Variants in LACTB observed in about 807,000 individuals in gnomAD.
LACTB encodes lactamase beta.
A neutral mutation model predicts 50.2 loss-of-function variants in LACTB; 35 were observed. The observed-to-expected ratio is 0.70, with a 90% CI of 0.53 to 0.92. LACTB has a LOEUF of 0.92. Among genes scored for constraint, LACTB ranks in the 40% least tolerant of loss-of-function variants. The pLI, the probability that LACTB is intolerant of heterozygous loss-of-function variation, is 0.00. For synonymous variants in LACTB, 252 were observed against 268.2 expected (o/e 0.94, Z 0.59); for missense variants, 664 against 691.8 (o/e 0.96, Z 0.45).
At chr15:63,125,597 TA>T in intron 2 of LACTB, among the ~76,000 whole-genome samples, 1 of 152,300 alleles carries the variant, frequency 6.6e-6, no homozygotes, top group Admixed American at 6.5e-5. Flanking sequence ...TTTATGCAAA[TA>T]TTTTTTAGAT....
chr15:63,132,688 G>A (rs2037144352), intron 5 of LACTB, among the ~76,000 whole-genome samples: 1 of 152,146 alleles, frequency 6.6e-6, no homozygotes, highest in Non-Finnish European at 1.5e-5. Context: ...AGGCATGGTA[G>A]TGTGTACCTG....
At chr15:63,133,979 T>G (rs1401315942) in intron 5 of LACTB, among the ~76,000 whole-genome samples, 2 of 152,256 alleles carry the variant, frequency 1.3e-5, no homozygotes, top group East Asian at 3.8e-4. Flanking sequence ...AAAATACTTA[T>G]GAAAGGGCAG....
rs199868189 is a variant in LACTB, at chr15:63,141,789, A to C, written c.1628A>C (p.Lys543Thr). The change falls in exon 6 of 6, where the codon AAA (lysine) becomes ACA (threonine). Residue 543 changes from lysine to threonine, a missense_variant. Transcript: ENST00000261893. ...TTGAAGATTGCCCTTGAATTTGATA[A>C]AGACAGATCAGACTGATAACCTTAA... ...TALKIALEFD[K>T]DRSD 5.6e-6 allele frequency: 9 copies of C among 1,611,958 alleles called. No homozygotes were observed. The highest frequency in any genetic ancestry group is 7.6e-6 in the Non-Finnish European group (9 of 1,178,440).
At chr15:63,129,128 G>T (rs1425393177) in intron 4 of LACTB, among the ~76,000 whole-genome samples, 1 of 152,192 alleles carries the variant, frequency 6.6e-6, no homozygotes, top group Non-Finnish European at 1.5e-5. Context: ...GTTGACTCAA[G>T]AAATCAAATT....
chr15:63,127,695 T>C lies in LACTB; in HGVS notation c.952+6T>C. On this transcript the variant is annotated splice_donor_region_variant and intron_variant, in intron 4 of 5. Coordinates refer to ENST00000261893, the MANE Select transcript of LACTB (RefSeq NM_032857.5). ...TCCTTTGTTCTTCAAACCTGGTGAG[T>C]GTTAATCCCTTCTCTTAACAAAATC... The C allele has an allele frequency of 6.7e-7, 1 of 1,503,652 alleles. No homozygotes were observed. Among genetic ancestry groups the C allele is most frequent in the Admixed American group, 2.0e-5 (1 of 49,288 alleles). The allele number at this position is 1,503,652 out of a possible 1,614,324, so 93.1% of individuals were successfully genotyped here.
Position 63,141,349 on chromosome 15 carries a change from T to C in LACTB, c.1188T>C (p.Ala396=). 6.2e-7 allele frequency: 1 copy of C among 1,614,222 alleles called. No individual in the cohort carries two copies. The highest frequency in any genetic ancestry group is 8.5e-7 in the Non-Finnish European group (1 of 1,180,020). Reference sequence around the variant, plus strand: ...ACGTGGATAACTCCTATAAATGGGCTGGTGGTGGATTTCTGTCTACAGTGG... The same window carrying C: ...ACGTGGATAACTCCTATAAATGGGCCGGTGGTGGATTTCTGTCTACAGTGG... ...TPYVDNSYKW[A]GGGFLSTVGD... The change falls in exon 6 of 6, where the codon GCT becomes GCC. Residue 396 remains alanine (A), a synonymous_variant. Transcript: ENST00000261893.
intron 1 of LACTB, 132 bp from the exon 2 acceptor site, chr15:63,122,504 C>T (rs1179801947): frequency 6.3e-6 from 5 of 798,472 alleles, no homozygotes; most frequent in South Asian, 2.9e-5. Context: ...TGGCCTGGGA[C>T]GAGGTGGGCG....
At chr15:63,125,178 TA>T (rs201797499) in intron 2 of LACTB, among the ~76,000 whole-genome samples, 4 of 125,122 alleles carry the variant, frequency 3.2e-5, no homozygotes, top group Non-Finnish European at 6.6e-5. Context: ...TTTATTTATT[TA>T]TTTTTTTTTT....
chr15:63,130,728 T>C (rs2037122374), intron 5 of LACTB: 1 of 152,184 alleles, frequency 6.6e-6, no homozygotes, highest in Non-Finnish European at 1.5e-5. Flanking sequence ...TGACATCAGT[T>C]TGTCCCATTA....
chr15:63,128,285 A>G (rs2037080938), intron 4 of LACTB, among the ~76,000 whole-genome samples: 1 of 152,234 alleles, frequency 6.6e-6, no homozygotes, highest in Admixed American at 6.5e-5. Context: ...AGATATAATT[A>G]TGGATTTTAT....
Position 63,138,471 on chromosome 15 carries a change from G to C in LACTB, c.1119-2809G>C, listed in dbSNP as rs1480300023. Among the ~76,000 whole-genome samples, 3 of 152,258 alleles carry C rather than the reference G, an allele frequency of 2.0e-5. No homozygotes were observed. The East Asian group carries it at 5.8e-4, about 29-fold the overall frequency. Reference sequence around the variant, plus strand: ...GTTACAAAAATGTCTCAGTAACCTAGTCAAGAACTTGTGTCTATATTCTTT... The same window carrying C: ...GTTACAAAAATGTCTCAGTAACCTACTCAAGAACTTGTGTCTATATTCTTT... On this transcript the variant is annotated intron_variant, in intron 5 of 5. Transcript: ENST00000261893.
rs767923145 is a variant in LACTB, at chr15:63,122,140, C to T, written c.269C>T (p.Pro90Leu). ...CCGCCACAGGAGCAGTCCCTCGCCC[C>T]GTGGTCTCCGCAGACCCCGGCGCCG... ...AEPPQEQSLA[P>L]WSPQTPAPPC... The change falls in exon 1 of 6, where the codon CCG becomes CTG. Residue 90 changes from proline to leucine, a missense_variant. Pro to Leu is a moderately conservative substitution (Grantham distance 98). Transcript: ENST00000261893. 5 of 1,500,936 alleles carry T rather than the reference C, an allele frequency of 3.3e-6. No homozygotes were observed. The highest frequency in any genetic ancestry group is 2.7e-5 in the East Asian group (1 of 36,856). 93.0% of individuals were successfully genotyped at this position (1,500,936 alleles called of 1,614,324 possible). A position where few individuals can be genotyped will look rare whatever the true frequency, so the allele number is the denominator to read the frequency against.
At chr15:63,122,777 C>A in intron 2 of LACTB, 75 bp downstream of exon 2, 1 of 990,076 alleles carries the variant, frequency 1.0e-6, no homozygotes, top group African/African-American at 1.6e-5. Context: ...TAGAGTGGAT[C>A]CCATGAAATG....
intron 5 of LACTB, among the ~76,000 whole-genome samples, chr15:63,131,985 A>G (rs751728673): frequency 6.6e-6 from 1 of 152,176 alleles, no homozygotes; most frequent in South Asian, 2.1e-4. Context: ...TGATTATGTA[A>G]CATAGTTATC....
At chr15:63,141,173 G>T (rs2037224742) in intron 5 of LACTB, 107 bp from the exon 6 acceptor site, 1 of 1,446,908 alleles carries the variant, frequency 6.9e-7, no homozygotes, top group Non-Finnish European at 9.1e-7. Flanking sequence ...GAGAATGTAT[G>T]ATCATTACAT....
In LACTB at chr15:63,124,721, G is replaced by A. The variant is rs375828934; in HGVS notation, c.424+2019G>A. On this transcript the variant is annotated intron_variant, in intron 2 of 5. Transcript: ENST00000261893. ...TAATCCTAGCACTTTGAGAGGCAGAGGCAGGTGGGTTGCCTGAGCTTAGGA... is the reference window on the plus strand; with the variant it reads ...TAATCCTAGCACTTTGAGAGGCAGAAGCAGGTGGGTTGCCTGAGCTTAGGA... Among the ~76,000 whole-genome samples, 3 of 152,128 alleles carry A rather than the reference G, an allele frequency of 2.0e-5. No homozygotes were observed. In the East Asian group the frequency reaches 5.8e-4, roughly 29 times the overall value.
At chr15:63,124,390 G>A (rs1422875757) in intron 2 of LACTB, among the ~76,000 whole-genome samples, 1 of 152,156 alleles carries the variant, frequency 6.6e-6, no homozygotes, top group East Asian at 1.9e-4. Context: ...AACAGCTCGT[G>A]TCCTCGGTCT....
chr15:63,139,695 A>G (rs1206641454), intron 5 of LACTB, among the ~76,000 whole-genome samples: 3 of 150,684 alleles, frequency 2.0e-5, no homozygotes, highest in Admixed American at 1.3e-4. Context: ...TTAGCTGGGC[A>G]TGGTGGCAGC....
chr15:63,142,001 A>G lies in LACTB; in HGVS notation c.*196A>G. On this transcript the variant is annotated 3_prime_UTR_variant, in exon 6 of 6. Transcript: ENST00000261893. The stretch of plus-strand genomic sequence containing the variant: ...GTTCTTTATACTCAGGGAAGTAATT[A>G]TATTGTTTTTACTTTTTGAAAAAAG... 2 of 507,338 alleles carry G rather than the reference A, an allele frequency of 3.9e-6. No individual in the cohort carries two copies. Among genetic ancestry groups the G allele is most frequent in the East Asian group, 3.0e-5 (1 of 33,660 alleles). The allele number at this position is 507,338 out of a possible 1,614,324, so 31.4% of individuals were successfully genotyped here. A position where few individuals can be genotyped will look rare whatever the true frequency, so the allele number is the denominator to read the frequency against.
Sources: allele counts gnomAD v4.1 joint callset (sites outside exome capture counted in the v4.1 genomes callset), GRCh38; gene constraint gnomAD v4.1.1; transcripts MANE v1.5; gene names NCBI Gene and HGNC (gene_info 2026-07-23, HGNC 2026-07-21).